DDX10: variants seen among roughly 807,000 people sequenced by gnomAD.
The protein encoded by DDX10 is probable ATP-dependent RNA helicase DDX10.
Under a neutral mutation model 104.3 loss-of-function variants are expected in DDX10, and 74 were observed. That is an observed-to-expected ratio of 0.71 (90% CI 0.59 to 0.86). The LOEUF (loss-of-function observed/expected upper bound fraction) is 0.86. Among genes scored for constraint, DDX10 ranks in the 40% least tolerant of loss-of-function variants. The pLI is 0.00. For synonymous variants in DDX10, 351 were observed against 353.4 expected, an observed-to-expected ratio of 0.99 and a Z score of 0.08; for missense variants, 952 against 1,040.0, an observed-to-expected ratio of 0.92 and a Z score of 1.16.
chr11:108,835,004 A>G (rs79204425), intron 13 of DDX10, among the ~76,000 whole-genome samples: 3,252 of 151,120 alleles, frequency 0.022, 116 homozygotes, highest in African/African-American at 0.075. Flanking sequence ...TAACAAAGTC[A>G]CCAGCCCTGG....
chr11:108,760,863 A>C (rs766430293), intron 13 of DDX10, among the ~76,000 whole-genome samples: 1 of 151,988 alleles, frequency 6.6e-6, no homozygotes, highest in African/African-American at 2.4e-5. Flanking sequence ...AGTCATTGCC[A>C]CATATTCCTT....
intron 16 of DDX10, among the ~76,000 whole-genome samples, chr11:108,879,519 G>A (rs1197103051): frequency 6.6e-6 from 1 of 152,106 alleles, no homozygotes; most frequent in African/African-American, 2.4e-5. Context: ...AAAATATAAT[G>A]GATAAGATTT....
rs1862468286 is a variant in DDX10 at position 108,831,373 on chromosome 11, T to TTCCCTGGCGCCACTGCACCCC, written c.1966-7072_1966-7052dup. Among the ~76,000 whole-genome samples the TTCCCTGGCGCCACTGCACCCC allele has an allele frequency of 4.9e-5, 7 of 144,096 alleles. 1 individual carries two copies. The South Asian group carries it at 1.5e-3, about 31-fold the overall frequency. The allele number at this position is 144,096 out of a possible 152,430, so 94.5% of individuals were successfully genotyped here. A position where few individuals can be genotyped will look rare whatever the true frequency, so the allele number is the denominator to read the frequency against. On this transcript the variant is annotated intron_variant, in intron 13 of 17. Transcript: ENST00000322536. ...GAGCTGAGATCGAGCCACTGCACTC[T>TTCCCTGGCGCCACTGCACCCC]TCCCTGGCGCCACTGCACCCCAGCC...
chr11:108,691,946 A>G lies in DDX10; in HGVS notation c.1046A>G (p.Gln349Arg). ...TCTATCCTTGCACTCCATGGTCGAC[A>G]GCAGCAAATGAGAAGAATGGAAGTC... Reference protein sequence around the residue: ...GVSILALHGRQQQMRRMEVYN... With the variant: ...GVSILALHGRRQQMRRMEVYN... Residue 349 changes from glutamine to arginine, a missense_variant, in exon 8 of 18, where the codon CAG (glutamine) becomes CGG (arginine). By Grantham distance (43) the Gln-to-Arg change is conservative (BLOSUM62 1). Coordinates refer to ENST00000322536, the MANE Select transcript of DDX10 (RefSeq NM_004398.4). The G allele has an allele frequency of 2.5e-6, 4 of 1,614,188 alleles. No individual in the cohort carries two copies. Among genetic ancestry groups the G allele is most frequent in the Non-Finnish European group, 3.4e-6 (4 of 1,180,006 alleles).
chr11:108,904,641 G>T (rs184389029), intron 16 of DDX10, among the ~76,000 whole-genome samples: 1 of 152,062 alleles, frequency 6.6e-6, no homozygotes, highest in African/African-American at 2.4e-5. Flanking sequence ...CATGAAGAAT[G>T]TAGTAAATCA....
chr11:108,739,847 T>C (rs1251019812), intron 13 of DDX10, among the ~76,000 whole-genome samples: 1 of 152,154 alleles, frequency 6.6e-6, no homozygotes, highest in Non-Finnish European at 1.5e-5. Context: ...GTCATCCCTT[T>C]CTTATCAGAT....
intron 17 of DDX10, chr11:108,918,323 C>G (rs1388096956): frequency 2.7e-6 from 1 of 366,108 alleles, no homozygotes; most frequent in Non-Finnish European, 4.8e-6. Flanking sequence ...TTCTCTGAGT[C>G]CTTTATGCCT....
At chr11:108,767,066 G>A (rs1463321068) in intron 13 of DDX10, among the ~76,000 whole-genome samples, 2 of 152,138 alleles carry the variant, frequency 1.3e-5, no homozygotes, top group Non-Finnish European at 2.9e-5. Context: ...ATATTGGAGA[G>A]TCAAAAGAAA....
At chr11:108,704,546 G>A (rs978759780) in intron 9 of DDX10, among the ~76,000 whole-genome samples, 4 of 152,170 alleles carry the variant, frequency 2.6e-5, no homozygotes, top group Admixed American at 6.5e-5. Context: ...CAGAAGTTAC[G>A]ACATCTCTCC....
chr11:108,887,175 A>G (rs186158118), intron 16 of DDX10, among the ~76,000 whole-genome samples: 2 of 152,266 alleles, frequency 1.3e-5, no homozygotes, highest in African/African-American at 4.8e-5. Flanking sequence ...TATAATTTCA[A>G]TCTTCTGAAT....
chr11:108,912,414 C>T (rs1032199363), intron 16 of DDX10, among the ~76,000 whole-genome samples: 1 of 152,186 alleles, frequency 6.6e-6, no homozygotes, highest in African/African-American at 2.4e-5. Context: ...CCACCTTCAT[C>T]TCCACTGCCA....
At chr11:108,857,310 C>T (rs1451120188) in intron 16 of DDX10, among the ~76,000 whole-genome samples, 2 of 152,150 alleles carry the variant, frequency 1.3e-5, no homozygotes, top group African/African-American at 4.8e-5. Context: ...ATCTAGAAGG[C>T]AGGCTATGTC....
At chr11:108,844,961 C>A (rs568594772) in intron 15 of DDX10, among the ~76,000 whole-genome samples, 1 of 152,226 alleles carries the variant, frequency 6.6e-6, no homozygotes, top group South Asian at 2.1e-4. Context: ...CTTTGGGAGG[C>A]CGAGGTGGGC....
intron 13 of DDX10, among the ~76,000 whole-genome samples, chr11:108,739,213 AAGT>A: frequency 6.6e-6 from 1 of 152,312 alleles, no homozygotes; most frequent in East Asian, 1.9e-4. Context: ...TAGTAGCAAA[AAGT>A]AGAACTCTGA....
At chr11:108,750,838 G>A (rs935565279) in intron 13 of DDX10, among the ~76,000 whole-genome samples, 74 of 136,718 alleles carry the variant, frequency 5.4e-4, no homozygotes, top group African/African-American at 1.8e-3. Context: ...GCTCACTGAA[G>A]CCTCAAACTC....
chr11:108,771,452 C>G (rs2094363006), intron 13 of DDX10, among the ~76,000 whole-genome samples: 2 of 152,064 alleles, frequency 1.3e-5, no homozygotes, highest in African/African-American at 2.4e-5. Flanking sequence ...CCACGCCATT[C>G]TCCTGCGTCA....
At chr11:108,745,771 T>G (rs1343489704) in intron 13 of DDX10, among the ~76,000 whole-genome samples, 3 of 152,194 alleles carry the variant, frequency 2.0e-5, no homozygotes, top group Admixed American at 6.5e-5. Flanking sequence ...AAGATGAAAG[T>G]AGATTATTCA....
intron 13 of DDX10, among the ~76,000 whole-genome samples, chr11:108,800,656 A>G (rs1862008650): frequency 6.6e-6 from 1 of 152,144 alleles, no homozygotes. Context: ...TTGTTGATCA[A>G]TTGACAATCA....
At chr11:108,932,685 T>G (rs1863989225) in intron 17 of DDX10, among the ~76,000 whole-genome samples, 1 of 152,066 alleles carries the variant, frequency 6.6e-6, no homozygotes, top group Non-Finnish European at 1.5e-5. Flanking sequence ...CCAATGTTTC[T>G]TGTTTTTTCT....
Sources: allele counts gnomAD v4.1 joint callset (sites outside exome capture counted in the v4.1 genomes callset), GRCh38; gene constraint gnomAD v4.1.1; transcripts MANE v1.5; gene names NCBI Gene and HGNC (gene_info 2026-07-23, HGNC 2026-07-21).